The following IRAG2 variants were observed in gnomAD, a reference collection of about 807,000 sequenced individuals.
The protein encoded by IRAG2 is inositol 1,4,5-triphosphate receptor associated 2.
In IRAG2, 45 loss-of-function variants were observed where a neutral mutation model predicts 69.9. That is an observed-to-expected ratio of 0.64 (90% CI 0.51 to 0.83). IRAG2 has a LOEUF of 0.83. Ranked by LOEUF, IRAG2 falls within the 40% of genes least tolerant of loss-of-function variation. IRAG2 has a pLI of 0.00. For synonymous variants in IRAG2, 193 were observed against 202.4 expected, an observed-to-expected ratio of 0.95 and a Z score of 0.40; for missense variants, 520 against 587.0, an observed-to-expected ratio of 0.89 and a Z score of 1.18.
intron 5 of IRAG2, among the ~76,000 whole-genome samples, chr12:25,068,597 C>G (rs752697393): frequency 2.0e-5 from 3 of 152,124 alleles, no homozygotes; most frequent in Non-Finnish European, 4.4e-5. Flanking sequence ...GGCAACCAGC[C>G]CCTCATCCTG....
At chr12:25,086,030 T>C (rs1947577415) in intron 10 of IRAG2, among the ~76,000 whole-genome samples, 1 of 152,116 alleles carries the variant, frequency 6.6e-6, no homozygotes. Context: ...AAAACTCAAG[T>C]CCTTTACTCT....
intron 15 of IRAG2, chr12:25,097,477 T>C (rs1233966718): frequency 6.5e-6 from 1 of 152,692 alleles, no homozygotes; most frequent in Non-Finnish European, 1.5e-5. Flanking sequence ...TTTCAGGATG[T>C]TTTTGGTATT....
chr12:25,069,332 T>C lies in IRAG2; in HGVS notation c.-58-18T>C, dbSNP rs184207287. Reference sequence around the variant, plus strand: ...AGTTTTTTCACCTGTAGTAAATAACTCTACTTCCTACTGCCAGGTGCCCAG... The same window carrying C: ...AGTTTTTTCACCTGTAGTAAATAACCCTACTTCCTACTGCCAGGTGCCCAG... On this transcript the variant is annotated intron_variant, in intron 5 of 21. Transcript: ENST00000556887. 20 of 1,191,444 alleles carry C rather than the reference T, an allele frequency of 1.7e-5. No homozygotes were observed. The African/African-American group carries it at 3.0e-4, about 18-fold the overall frequency. The allele number at this position is 1,191,444 out of a possible 1,614,324, so 73.8% of individuals were successfully genotyped here. A position where few individuals can be genotyped will look rare whatever the true frequency, so the allele number is the denominator to read the frequency against.
intron 2 of IRAG2, chr12:25,005,402 C>A: frequency 1.3e-6 from 1 of 782,330 alleles, no homozygotes; most frequent in Non-Finnish European, 1.7e-6. Context: ...CTGTCCAAGT[C>A]ATCTGAACTT....
intron 12 of IRAG2, 21 bp from the exon 13 acceptor site, chr12:25,089,742 G>A (rs776375349): frequency 3.5e-5 from 57 of 1,613,098 alleles, no homozygotes; most frequent in Non-Finnish European, 4.7e-5. Context: ...GTTTAAATAT[G>A]TTTTTTGTCT....
chr12:25,003,489 G>A (rs959108297), upstream of IRAG2, among the ~76,000 whole-genome samples: 1 of 151,816 alleles, frequency 6.6e-6, no homozygotes, highest in Non-Finnish European at 1.5e-5. Context: ...GGAACTACAG[G>A]CACGCACCAC....
intron 3 of IRAG2, among the ~76,000 whole-genome samples, chr12:25,011,775 T>C (rs1195271891): frequency 6.6e-6 from 1 of 152,112 alleles, no homozygotes; most frequent in Non-Finnish European, 1.5e-5. Flanking sequence ...AAGTTTCCGA[T>C]GATATTGATG....
chr12:25,021,577 A>G (rs542140643), intron 7 of IRAG2, among the ~76,000 whole-genome samples: 1 of 152,354 alleles, frequency 6.6e-6, no homozygotes, highest in African/African-American at 2.4e-5. Flanking sequence ...ACTTTAAGTC[A>G]GATGCCAGAG....
chr12:25,013,869 T>A, intron 3 of IRAG2, among the ~76,000 whole-genome samples: 1 of 74,436 alleles, frequency 1.3e-5, no homozygotes, highest in Admixed American at 1.9e-4. Flanking sequence ...TCTTTTTCTT[T>A]TTTTTTTTTT....
chr12:25,044,445 G>A (rs1325820560), intron 16 of IRAG2, among the ~76,000 whole-genome samples: 1 of 151,732 alleles, frequency 6.6e-6, no homozygotes, highest in Non-Finnish European at 1.5e-5. Context: ...AATATAAATG[G>A]ATTAAACTTA....
rs560009372 is a variant in IRAG2 at position 25,108,213 on chromosome 12, C to G, written c.*153C>G. On this transcript the variant is annotated 3_prime_UTR_variant, in exon 22 of 22. Coordinates refer to ENST00000556887, the MANE Select transcript of IRAG2 (RefSeq NM_001366544.2). ...TTACATTTCCTCTTTTTGCCTTTATCTCCCCAACTAAAATACAATGGGGAA... is the reference window on the plus strand; with the variant it reads ...TTACATTTCCTCTTTTTGCCTTTATGTCCCCAACTAAAATACAATGGGGAA... The G allele has an allele frequency of 1.3e-6, 1 of 799,906 alleles. No homozygotes were observed. Among genetic ancestry groups the G allele is most frequent in the Non-Finnish European group, 1.9e-6 (1 of 523,008 alleles). The allele number at this position is 799,906 out of a possible 1,614,324, so 49.6% of individuals were successfully genotyped here.
chr12:25,031,652 G>C (rs560690497), intron 10 of IRAG2, among the ~76,000 whole-genome samples: 2 of 152,202 alleles, frequency 1.3e-5, no homozygotes, highest in South Asian at 2.1e-4. Context: ...GTCCGTGTGT[G>C]TGTGTGTGTT....
intron 2 of IRAG2, among the ~76,000 whole-genome samples, chr12:25,008,669 T>A (rs1239848023): frequency 6.6e-6 from 1 of 151,886 alleles, no homozygotes; most frequent in Non-Finnish European, 1.5e-5. Flanking sequence ...AACTCAGGAG[T>A]TGGAGGCTGC....
chr12:25,030,793 G>A (rs573944053), intron 10 of IRAG2, among the ~76,000 whole-genome samples: 5 of 152,302 alleles, frequency 3.3e-5, no homozygotes, highest in East Asian at 1.9e-4. Context: ...TCATCCACAC[G>A]TGACAAATAT....
At chr12:25,053,420 T>C (rs1944988850) in intron 1 of IRAG2, among the ~76,000 whole-genome samples, 1 of 152,198 alleles carries the variant, frequency 6.6e-6, no homozygotes, top group African/African-American at 2.4e-5. Context: ...GAATTCAGTG[T>C]ATATCAAAAT....
chr12:25,004,580 A>G lies in IRAG2; in HGVS notation c.239A>G (p.Glu80Gly), dbSNP rs1330978189. 9.7e-6 allele frequency: 12 copies of G among 1,232,010 alleles called. No individual in the cohort carries two copies. The Admixed American group carries it at 1.7e-4, about 17-fold the overall frequency. The allele number at this position is 1,232,010 out of a possible 1,614,324, so 76.3% of individuals were successfully genotyped here. The change falls in exon 1 of 39, where the codon GAG becomes GGG. Residue 80 changes from glutamate (E) to glycine (G), a missense_variant. By Grantham distance (98) the Glu-to-Gly change is moderately conservative. Transcript: ENST00000636465. The stretch of plus-strand genomic sequence containing the variant: ...CCCGGCTCTCATTGGTCAAGTTCTG[A>G]GGAAGTCGATGCCTTCATTTCATCG...
the IRAG2 span, among the ~76,000 whole-genome samples, chr12:24,998,687 TA>T: frequency 0.013 from 2,022 of 151,870 alleles, 40 homozygotes; most frequent in African/African-American, 0.042. Flanking sequence ...CACACATACT[TA>T]AATTTTTTTT....
rs923842846 is a variant in IRAG2 at position 25,039,429 on chromosome 12, T to C, written c.2144+1292T>C. 2.6e-5 allele frequency among the ~76,000 whole-genome samples: 4 copies of C among 152,174 alleles called. No individual in the cohort carries two copies. In the South Asian group the frequency reaches 8.3e-4, roughly 32 times the overall value. Reference sequence around the variant, plus strand: ...GATACCGTCTCCACAAAAGGCAGCGTCAACATTCTTCTTTTTTTTGAGACG... The same window carrying C: ...GATACCGTCTCCACAAAAGGCAGCGCCAACATTCTTCTTTTTTTTGAGACG... On this transcript the variant is annotated intron_variant, in intron 16 of 38. Transcript: ENST00000636465.
intron 14 of IRAG2, chr12:25,090,798 T>C (rs1565579138): frequency 2.2e-6 from 1 of 452,082 alleles, no homozygotes; most frequent in Non-Finnish European, 4.4e-6. Flanking sequence ...GCCTTTTCTC[T>C]GGATTTTCAA....
Sources: allele counts gnomAD v4.1 joint callset (sites outside exome capture counted in the v4.1 genomes callset), GRCh38; gene constraint gnomAD v4.1.1; transcripts MANE v1.5; gene names NCBI Gene and HGNC (gene_info 2026-07-23, HGNC 2026-07-21).